The following SEC31A variants were observed in gnomAD, a reference collection of about 807,000 sequenced individuals.
SEC31A encodes the protein protein transport protein Sec31A.
Under a neutral mutation model 151.0 loss-of-function variants are expected in SEC31A, and 70 were observed. The observed-to-expected ratio is 0.46, with a 90% CI of 0.38 to 0.57. SEC31A has a LOEUF of 0.57. SEC31A is among the 20% of genes least tolerant of loss of function. The probability of loss-of-function intolerance (pLI) is 0.00; values close to 1 mark genes in which losing one functional copy is unlikely to be tolerated. For missense variants in SEC31A, 1,330 were observed against 1,471.2 expected (o/e 0.90, Z 1.57); for synonymous variants, 475 against 505.9 (o/e 0.94, Z 0.82).
chr4:82,867,177 A>C lies in SEC31A; in HGVS notation c.1022T>G (p.Leu341Ter). 1 of 1,613,852 alleles carries C rather than the reference A, an allele frequency of 6.2e-7. No homozygotes were observed. Among genetic ancestry groups the C allele is most frequent in the Non-Finnish European group, 8.5e-7 (1 of 1,179,776 alleles). The change falls in exon 9 of 27, where the codon TTA becomes TGA. Residue 341 changes from leucine (L) to a stop codon, truncating the protein, a stop_gained. Coordinates refer to ENST00000395310, the MANE Select transcript of SEC31A (RefSeq NM_001077207.4). LOFTEE classifies it high-confidence loss of function. ...YSIMGGSTDG[L>*]RQKQVDKLSS... is the part of the protein sequence containing the mutation. ...TACCTTGTCAACTTGTTTCTGTCTT[A>C]AACCATCTGTGCTACCTCCCATGAT...
At position 82,827,542 on chromosome 4, in the gene SEC31A, G is replaced by C. The variant is rs1263785003; in HGVS notation, c.3118C>G (p.Pro1040Ala). 6.2e-7 allele frequency: 1 copy of C among 1,614,080 alleles called. No individual in the cohort carries two copies. The highest frequency in any genetic ancestry group is 8.5e-7 in the Non-Finnish European group (1 of 1,180,040). ...DPQSQMLQQQ[P>A]SAPVPLSSQS... ...CTTGACAGTGGTACTGGAGCTGAAG[G>C]CTGTTGCTGCAGCATTTGTGACTGG... The change falls in exon 24 of 27, where the codon CCT (proline) becomes GCT (alanine). Residue 1040 changes from proline to alanine, a missense_variant. Physicochemically the swap from Pro to Ala is conservative, Grantham distance 27. Coordinates refer to ENST00000395310, the MANE Select transcript of SEC31A (RefSeq NM_001077207.4).
chr4:82,851,368 G>A lies in SEC31A; in HGVS notation c.2328+63C>T. On this transcript the variant is annotated intron_variant, in intron 19 of 26. Transcript: ENST00000395310. ...ACCTACTAATATGTTTACATCTAAT[G>A]CTAAGTGTTATCTACTGGACTCACC... 10 of 1,313,228 alleles carry A rather than the reference G, an allele frequency of 7.6e-6. No homozygotes were observed. The South Asian group carries it at 1.4e-4, about 18-fold the overall frequency. 81.3% of individuals were successfully genotyped at this position (1,313,228 alleles called of 1,614,324 possible).
At chr4:82,880,728 T>C (rs1310237126) in intron 3 of SEC31A, 71 bp downstream of exon 3, 1 of 1,330,586 alleles carries the variant, frequency 7.5e-7, no homozygotes, top group East Asian at 2.4e-5. Flanking sequence ...ATGGCATAAT[T>C]ATAGACAAAT....
At chr4:82,833,837 A>T (rs1466203361) in intron 22 of SEC31A, among the ~76,000 whole-genome samples, 2 of 152,262 alleles carry the variant, frequency 1.3e-5, no homozygotes, top group Admixed American at 1.3e-4. Context: ...AAAAGAATAG[A>T]AAAAATACAG....
chr4:82,891,043 G>A (rs1578427447), intron 1 of SEC31A, 45 bp downstream of exon 1: 2 of 1,535,614 alleles, frequency 1.3e-6, no homozygotes, highest in South Asian at 1.2e-5. Flanking sequence ...CTACCTCAAA[G>A]CTTAAGGACC....
intron 24 of SEC31A, among the ~76,000 whole-genome samples, chr4:82,826,435 C>G (rs570893308): frequency 1.3e-5 from 2 of 152,196 alleles, no homozygotes; most frequent in Non-Finnish European, 1.5e-5. Flanking sequence ...CTCACTGCAA[C>G]CTCTGCCTGC....
chr4:82,890,893 G>T, intron 1 of SEC31A, 195 bp downstream of exon 1: 1 of 1,393,450 alleles, frequency 7.2e-7, no homozygotes, highest in South Asian at 1.6e-5. Context: ...GGACGGGCGC[G>T]ATCACTGGAG....
intron 25 of SEC31A, 24 bp downstream of exon 25, chr4:82,824,531 T>C (rs769587477): frequency 6.8e-6 from 11 of 1,605,952 alleles, no homozygotes; most frequent in Admixed American, 5.2e-5. Context: ...AAGCAAAATA[T>C]GATTTAAAAA....
chr4:82,848,745 C>A (rs1237502777), intron 20 of SEC31A, 59 bp downstream of exon 20: 15 of 1,478,926 alleles, frequency 1.0e-5, no homozygotes, highest in Non-Finnish European at 1.4e-5. Flanking sequence ...CAAATGAAAA[C>A]CACCAATTTG....
intron 23 of SEC31A, 67 bp downstream of exon 23, chr4:82,828,933 T>A: frequency 2.5e-6 from 3 of 1,219,476 alleles, no homozygotes; most frequent in Non-Finnish European, 3.7e-6. Context: ...AAGTATAGTG[T>A]GTTCCAAGTG....
At chr4:82,892,853 C>T (rs949357703), upstream of SEC31A, among the ~76,000 whole-genome samples, 2 of 152,148 alleles carry the variant, frequency 1.3e-5, no homozygotes, top group East Asian at 3.8e-4. Context: ...TTTTATTTAA[C>T]TGTGGTCACT....
chr4:82,863,127 A>G (rs960368509), intron 12 of SEC31A, 191 bp downstream of exon 12: 12 of 516,088 alleles, frequency 2.3e-5, no homozygotes, highest in Non-Finnish European at 3.7e-5. Flanking sequence ...ATCAATATGT[A>G]TTCAAAACTC....
chr4:82,894,363 CACTT>C (rs1304270420), upstream of SEC31A: 1 of 152,170 alleles, frequency 6.6e-6, no homozygotes, highest in Admixed American at 6.5e-5. Context: ...ATCCTGATCC[CACTT>C]ATTTAAAATT....
At chr4:82,847,038 C>T (rs901111802) in intron 20 of SEC31A, among the ~76,000 whole-genome samples, 3 of 152,086 alleles carry the variant, frequency 2.0e-5, no homozygotes, top group Non-Finnish European at 4.4e-5. Flanking sequence ...GTTAAGAATA[C>T]GGTATATAAT....
intron 16 of SEC31A, among the ~76,000 whole-genome samples, chr4:82,855,407 C>T (rs576261535): frequency 2.6e-5 from 4 of 152,052 alleles, no homozygotes; most frequent in East Asian, 3.9e-4. Flanking sequence ...GCCAAGGGAA[C>T]GACAGATGCA....
intron 22 of SEC31A, among the ~76,000 whole-genome samples, chr4:82,839,951 C>T (rs979416679): frequency 6.6e-6 from 1 of 152,038 alleles, no homozygotes; most frequent in Non-Finnish European, 1.5e-5. Flanking sequence ...GTAACAAATG[C>T]CTCAAACAGT....
rs570520551 is a variant in SEC31A, at chr4:82,855,301, T to G, written c.1882-272A>C. Among the ~76,000 whole-genome samples the G allele has an allele frequency of 2.0e-5, 3 of 152,340 alleles. No individual in the cohort carries two copies. The South Asian group carries it at 6.2e-4, about 32-fold the overall frequency. ...AATAGAAAGGTGTGACCTGGTCAGA[T>G]GGATCAGGAAAAACTGCCCAAGCAT... is the stretch of plus-strand genomic sequence containing the variant. On this transcript the variant is annotated intron_variant, in intron 16 of 26. Transcript: ENST00000395310.
chr4:82,889,378 C>T (rs1244886737), intron 1 of SEC31A, among the ~76,000 whole-genome samples: 1 of 151,524 alleles, frequency 6.6e-6, no homozygotes, highest in Non-Finnish European at 1.5e-5. Flanking sequence ...GCAGTGAGAC[C>T]CCCATCTCTA....
In SEC31A at chr4:82,853,615, T is replaced by C. The variant is rs1422783623; in HGVS notation, c.2109A>G (p.Ala703=). The part of the protein sequence containing the change: ...ICAGNVEKLV[A]CWTKAQDGSH... ...TTCCATCTTGAGCTTTAGTCCAACA[T>C]GCAACTAATTTCTCTACATTCCCTG... The change falls in exon 18 of 27, where the codon GCA becomes GCG. Residue 703 remains alanine (A), a synonymous_variant. Coordinates refer to ENST00000395310, the MANE Select transcript of SEC31A (RefSeq NM_001077207.4). 1.3e-6 allele frequency: 2 copies of C among 1,599,712 alleles called. No homozygotes were observed. Among genetic ancestry groups the C allele is most frequent in the South Asian group, 2.3e-5 (2 of 88,050 alleles).
Sources: gnomAD v4.1 joint callset for allele counts (sites outside exome capture counted in the v4.1 genomes callset) on GRCh38, gnomAD v4.1.1 for gene constraint, MANE v1.5 for transcripts, NCBI Gene and HGNC (gene_info 2026-07-23, HGNC 2026-07-21) for gene names.